The following OCA2 variants were observed in gnomAD, a reference collection of about 807,000 sequenced individuals.
OCA2 encodes OCA2 melanosomal transmembrane protein, also known as P protein.
OCA2 carries 77 observed loss-of-function variants against 100.2 expected under a neutral mutation model. The ratio of observed to expected loss-of-function variants is 0.77; its 90% confidence interval spans 0.64 to 0.93. The LOEUF is 0.93. Ranked by LOEUF, OCA2 falls within the 40% of genes least tolerant of loss-of-function variation. The probability of loss-of-function intolerance (pLI) is 0.00; values close to 1 mark genes in which losing one functional copy is unlikely to be tolerated. For synonymous variants in OCA2, 432 were observed against 439.2 expected (o/e 0.98, Z 0.21); for missense variants, 1,062 against 1,089.1 (o/e 0.98, Z 0.35).
chr15:28,090,059 A>C (rs2044846788), intron 1 of OCA2, among the ~76,000 whole-genome samples: 1 of 152,244 alleles, frequency 6.6e-6, no homozygotes, highest in South Asian at 2.1e-4. Flanking sequence ...ATATTCACGT[A>C]ATATATGCTA....
intron 9 of OCA2, among the ~76,000 whole-genome samples, chr15:27,997,198 G>A (rs570889889): frequency 1.4e-5 from 2 of 147,002 alleles, no homozygotes; most frequent in African/African-American, 5.0e-5. Context: ...AAGAAGAGAG[G>A]AAAGGATATA....
intron 1 of OCA2, among the ~76,000 whole-genome samples, chr15:28,092,509 A>T (rs2044887512): frequency 6.6e-6 from 1 of 152,054 alleles, no homozygotes; most frequent in South Asian, 2.1e-4. Flanking sequence ...ACACACCACC[A>T]CACTCAGCTA....
At chr15:27,800,596 AC>A (rs1398643533) in intron 23 of OCA2, among the ~76,000 whole-genome samples, 1 of 152,234 alleles carries the variant, frequency 6.6e-6, no homozygotes, top group Non-Finnish European at 1.5e-5. Flanking sequence ...CATACAATGA[AC>A]AAATTCCTTG....
the OCA2 span, among the ~76,000 whole-genome samples, chr15:27,746,463 AAAAT>A: frequency 0.015 from 2,253 of 150,372 alleles, 35 homozygotes; most frequent in African/African-American, 0.044. Context: ...TCTGTATTAA[AAAAT>A]AAATAAATAA....
chr15:27,845,807 C>T (rs1035924479), intron 22 of OCA2, among the ~76,000 whole-genome samples: 3 of 152,160 alleles, frequency 2.0e-5, no homozygotes, highest in East Asian at 3.9e-4. Flanking sequence ...GAGGAAGAGT[C>T]GCCTTCCATC....
Position 27,986,587 on chromosome 15 carries a change from C to G in OCA2, c.1239G>C (p.Lys413Asn). Residue 413 changes from lysine (K) to asparagine (N), a missense_variant and splice_region_variant, in exon 12 of 24, where the codon AAG becomes AAC. Transcript: ENST00000354638. The stretch of plus-strand genomic sequence containing the variant: ...TTATTAAATGCAACATCATACCTAC[C>G]TTTACAGCACAATAATCGAAAAATC... Reference protein sequence around the residue: ...ETGFFDYCAVKAYRLSRGRVW... With the variant: ...ETGFFDYCAVNAYRLSRGRVW... 1 of 1,570,412 alleles carries G rather than the reference C, an allele frequency of 6.4e-7. No homozygotes were observed. Among genetic ancestry groups the G allele is most frequent in the Non-Finnish European group, 8.8e-7 (1 of 1,139,772 alleles).
At position 27,908,699 on chromosome 15, in the gene OCA2, GC is replaced by G. The variant is rs534057263; in HGVS notation, c.2079+17427del. Among the ~76,000 whole-genome samples, 28 of 152,274 alleles carry G rather than the reference GC, an allele frequency of 1.8e-4. No homozygotes were observed. In the East Asian group the frequency reaches 5.4e-3, roughly 29 times the overall value. The stretch of plus-strand genomic sequence containing the variant: ...CTCCCATGGTGGGGGCTCACAGAGT[GC>G]CCCAGCAATGAAAATGTAGCAACAT... On this transcript the variant is annotated intron_variant, in intron 19 of 23. Transcript: ENST00000354638.
chr15:28,071,332 G>T (rs527777890), intron 2 of OCA2, among the ~76,000 whole-genome samples: 1 of 152,238 alleles, frequency 6.6e-6, no homozygotes, highest in Non-Finnish European at 1.5e-5. Context: ...TCATAAAAAT[G>T]TCCATACTGC....
At chr15:27,955,507 C>T (rs963752477) in intron 16 of OCA2, among the ~76,000 whole-genome samples, 1 of 152,198 alleles carries the variant, frequency 6.6e-6, no homozygotes, top group Non-Finnish European at 1.5e-5. Flanking sequence ...CGCAGCAGTG[C>T]GTGGAGGAGG....
intron 2 of OCA2, among the ~76,000 whole-genome samples, chr15:28,042,875 T>G (rs2043245994): frequency 6.6e-6 from 1 of 152,118 alleles, no homozygotes; most frequent in Non-Finnish European, 1.5e-5. Context: ...TAATAAAATT[T>G]TATTCGTTTA....
chr15:27,983,570 G>A, intron 13 of OCA2, 87 bp from the exon 14 acceptor site: 1 of 1,447,618 alleles, frequency 6.9e-7, no homozygotes, highest in South Asian at 1.1e-5. Context: ...TAAGGCGCTT[G>A]CTCGTATAAG....
chr15:27,903,305 G>A (rs920516995), intron 19 of OCA2, among the ~76,000 whole-genome samples: 1 of 152,118 alleles, frequency 6.6e-6, no homozygotes, highest in East Asian at 1.9e-4. Context: ...AGCCCGCCAC[G>A]GCGGTGCTTC....
At chr15:27,983,610 G>C in intron 13 of OCA2, 127 bp from the exon 14 acceptor site, 2 of 999,650 alleles carry the variant, frequency 2.0e-6, no homozygotes, top group Non-Finnish European at 3.1e-6. Flanking sequence ...CACCCCTGTG[G>C]GGAAGGCAGT....
At chr15:27,919,878 G>C (rs1258964269) in intron 19 of OCA2, among the ~76,000 whole-genome samples, 1 of 152,090 alleles carries the variant, frequency 6.6e-6, no homozygotes, top group Non-Finnish European at 1.5e-5. Context: ...CATGTGTGGG[G>C]GTTGGAGTAT....
intron 23 of OCA2, among the ~76,000 whole-genome samples, chr15:27,783,531 G>A (rs1318363085): frequency 6.6e-6 from 1 of 152,216 alleles, no homozygotes; most frequent in Non-Finnish European, 1.5e-5. Flanking sequence ...TGAAGAGGGG[G>A]AGGGACCTGC....
At chr15:27,943,828 GC>G (rs1355240014) in intron 18 of OCA2, among the ~76,000 whole-genome samples, 1 of 151,994 alleles carries the variant, frequency 6.6e-6, no homozygotes, top group Non-Finnish European at 1.5e-5. Context: ...CCCTTATCCT[GC>G]CCCCTGCTTC....
chr15:28,051,242 C>G (rs1566841589), intron 2 of OCA2, among the ~76,000 whole-genome samples: 1 of 152,234 alleles, frequency 6.6e-6, no homozygotes, highest in Non-Finnish European at 1.5e-5. Flanking sequence ...TGCTTCCAGG[C>G]AAGGAACTAC....
At chr15:27,955,097 ATCAC>A in intron 17 of OCA2, 57 bp downstream of exon 17, 1 of 1,165,946 alleles carries the variant, frequency 8.6e-7, no homozygotes, top group South Asian at 1.2e-5. Context: ...AGGAAAAGGC[ATCAC>A]TCACTCTCTT....
chr15:27,901,556 T>C (rs1008172526), intron 19 of OCA2, among the ~76,000 whole-genome samples: 2 of 152,204 alleles, frequency 1.3e-5, no homozygotes, highest in East Asian at 3.9e-4. Flanking sequence ...ACCTGACCTT[T>C]GAGCACATAA....
Sources: gnomAD v4.1 joint callset for allele counts (sites outside exome capture counted in the v4.1 genomes callset) on GRCh38, gnomAD v4.1.1 for gene constraint, MANE v1.5 for transcripts, NCBI Gene and HGNC (gene_info 2026-07-23, HGNC 2026-07-21) for gene names.